Variants in PHF10 observed in about 807,000 individuals in gnomAD.
The protein encoded by PHF10 is BRG1-associated factor 45a.
A neutral mutation model predicts 68.5 loss-of-function variants in PHF10; 51 were observed. The observed-to-expected ratio is 0.74, with a 90% CI of 0.59 to 0.94. The LOEUF is 0.94. Among genes scored for constraint, PHF10 ranks in the 40% least tolerant of loss-of-function variants. The pLI is 0.00. For missense variants in PHF10, 460 were observed against 602.6 expected (o/e 0.76, Z 2.48); for synonymous variants, 204 against 203.5 (o/e 1.00, Z -0.02).
Position 169,710,253 on chromosome 6 carries a change from A to C in PHF10, c.1096T>G (p.Ser366Ala). 1 of 1,611,856 alleles carries C rather than the reference A, an allele frequency of 6.2e-7. No homozygotes were observed. Among genetic ancestry groups the C allele is most frequent in the Non-Finnish European group, 8.5e-7 (1 of 1,179,444 alleles). The change falls in exon 9 of 12, where the codon TCA becomes GCA. Residue 366 changes from serine (S) to alanine (A), a missense_variant. Around this residue, in one of 3 missense-constraint regions of PHF10, gnomAD observed 256 missense variants for 410.5 expected, o/e 0.62. Coordinates refer to ENST00000339209, the MANE Select transcript of PHF10 (RefSeq NM_018288.4). ...DGPKRSVLSK[S>A]VPGYKPKVIP... ...TCTTCTACCTTGTACCCAGGAACTG[A>C]CTTGGACAGTACAGAACGTTTGGGA...
intron 10 of PHF10, 44 bp downstream of exon 10, chr6:169,705,572 T>A (rs747289621): frequency 3.0e-5 from 31 of 1,028,990 alleles, no homozygotes; most frequent in Non-Finnish European, 4.0e-5. Flanking sequence ...TTTGAACCAA[T>A]AAATACGGTG....
chr6:169,704,170 A>C, intron 11 of PHF10, 82 bp from the exon 12 acceptor site: 1 of 966,270 alleles, frequency 1.0e-6, no homozygotes, highest in Non-Finnish European at 1.5e-6. Flanking sequence ...CTTCTGCCTT[A>C]GCTATCACTA....
Position 169,704,069 on chromosome 6 carries a change from A to G in PHF10, c.1431T>C (p.Cys477=), listed in dbSNP as rs2128328096. 6.3e-7 allele frequency: 1 copy of G among 1,583,008 alleles called. No homozygotes were observed. The highest frequency in any genetic ancestry group is 8.5e-7 in the Non-Finnish European group (1 of 1,171,872). The change falls in exon 12 of 12, where the codon TGT becomes TGC. Residue 477 remains cysteine (C), a synonymous_variant. Coordinates refer to ENST00000339209, the MANE Select transcript of PHF10 (RefSeq NM_018288.4). ...AIPSGRWICD[C]CQRAPPTPRK... is the part of the protein sequence containing the mutation. ...TGGGTGTTGGGGGGGCCCGCTGACA[A>G]CAGTCACAAATCCAGCGACCTAGGA...
At chr6:169,711,055 T>A (rs1788916843) in intron 8 of PHF10, among the ~76,000 whole-genome samples, 1 of 152,194 alleles carries the variant, frequency 6.6e-6, no homozygotes, top group African/African-American at 2.4e-5. Context: ...ATTAAAAAAT[T>A]AGGTTATCTA....
intron 2 of PHF10, among the ~76,000 whole-genome samples, chr6:169,719,643 A>T (rs1789131163): frequency 6.6e-6 from 1 of 152,198 alleles, no homozygotes; most frequent in South Asian, 2.1e-4. Context: ...ATCCACATGC[A>T]AAAGTATAAA....
Position 169,703,981 on chromosome 6 carries a change from A to T in PHF10, c.*22T>A, listed in dbSNP as rs760546613. The T allele has an allele frequency of 6.5e-7, 1 of 1,530,256 alleles. No individual in the cohort carries two copies. Among genetic ancestry groups the T allele is most frequent in the Non-Finnish European group, 8.9e-7 (1 of 1,127,876 alleles). The allele number at this position is 1,530,256 out of a possible 1,614,324, so 94.8% of individuals were successfully genotyped here. On this transcript the variant is annotated 3_prime_UTR_variant, in exon 12 of 12. Transcript: ENST00000339209. ...AAATATTCCACTTAAATGCATATACAGTATTAGAGTCAAAAACTATTTTAT... is the reference window on the plus strand; with the variant it reads ...AAATATTCCACTTAAATGCATATACTGTATTAGAGTCAAAAACTATTTTAT...
intron 10 of PHF10, 133 bp from the exon 11 acceptor site, chr6:169,705,454 C>T: frequency 1.4e-6 from 1 of 729,482 alleles, no homozygotes; most frequent in Non-Finnish European, 2.3e-6. Flanking sequence ...AATGAATATA[C>T]AATGTAGAGG....
chr6:169,710,580 C>T (rs1179367092), intron 8 of PHF10, among the ~76,000 whole-genome samples, 189 bp from the exon 9 acceptor site: 1 of 152,050 alleles, frequency 6.6e-6, no homozygotes, highest in African/African-American at 2.4e-5. Context: ...AAAATCATTC[C>T]TCCTTCTTCT....
chr6:169,724,397 CT>C lies in PHF10; in HGVS notation c.-467del, dbSNP rs1283764299. ...CCCCGCGGCCGCCTCAGCCCCGCCG[CT>C]CGCCTCAGCCCCGCCGCTCGCCTCA... On this transcript the variant is annotated 5_prime_UTR_variant, in exon 1 of 12. Transcript: ENST00000339209. 9.8e-4 allele frequency among the ~76,000 whole-genome samples: 89 copies of C among 90,524 alleles called. No homozygotes were observed. The East Asian group carries it at 0.012, about 12-fold the overall frequency. The allele number at this position is 90,524 out of a possible 152,430, so 59.4% of individuals were successfully genotyped here.
intron 7 of PHF10, among the ~76,000 whole-genome samples, chr6:169,713,516 C>T (rs562985671): frequency 6.6e-6 from 1 of 151,234 alleles, no homozygotes; most frequent in African/African-American, 2.4e-5. Context: ...AGGAGAATCA[C>T]TTGAACCAGG....
At chr6:169,717,189 CA>C (rs1252081007) in intron 4 of PHF10, among the ~76,000 whole-genome samples, 1 of 152,076 alleles carries the variant, frequency 6.6e-6, no homozygotes, top group Non-Finnish European at 1.5e-5. Flanking sequence ...ATGGAGGTTG[CA>C]GTGAGCTAAG....
chr6:169,712,455 G>A lies in PHF10; in HGVS notation c.888C>T (p.Asp296=), dbSNP rs201451528. ...CGCCATCATCTGAATCACCATCACTGTCTAGAGCAGGGAGCTCAGGATCCA... is the reference window on the plus strand; with the variant it reads ...CGCCATCATCTGAATCACCATCACTATCTAGAGCAGGGAGCTCAGGATCCA... The part of the protein sequence containing the change: ...PPLDPELPAL[D]SDGDSDDGED... Residue 296 remains aspartate (D), a synonymous_variant, in exon 8 of 12, where the codon GAC becomes GAT. Coordinates refer to ENST00000339209, the MANE Select transcript of PHF10 (RefSeq NM_018288.4). 255 of 1,613,754 alleles carry A rather than the reference G, an allele frequency of 1.6e-4. No individual in the cohort carries two copies. The highest frequency in any genetic ancestry group is 2.0e-4 in the Non-Finnish European group (238 of 1,179,778).
rs748210245 is a variant in PHF10 at position 169,705,145 on chromosome 6, C to T, written c.1399G>A (p.Ala467Thr). The T allele has an allele frequency of 5.0e-6, 8 of 1,606,838 alleles. No individual in the cohort carries two copies. The highest frequency in any genetic ancestry group is 6.8e-6 in the Non-Finnish European group (8 of 1,176,404). ...TTTTAATCTTTACCTGATGGAATAG[C>T]ACCAAGGCCCACACAAAAAGTATGA... is the stretch of plus-strand genomic sequence containing the variant. ...GYHTFCVGLGAIPSGRWICDC... is the reference protein window; with the variant it reads ...GYHTFCVGLGTIPSGRWICDC... The change falls in exon 11 of 12, where the codon GCT becomes ACT. Residue 467 changes from alanine (A) to threonine (T), a missense_variant. Physicochemically the swap from Ala to Thr is moderately conservative, Grantham distance 58. Coordinates refer to ENST00000339209, the MANE Select transcript of PHF10 (RefSeq NM_018288.4).
rs760997521 is a variant in PHF10 at position 169,718,848 on chromosome 6, T to C, written c.265A>G (p.Met89Val). ...WPPDETGEYY[M>V]LQEQVSEYLG... ...TATTCACTGACTTGTTCTTGAAGCATATAGTATTCTCCTGTTTCATCAGGT... is the reference window on the plus strand; with the variant it reads ...TATTCACTGACTTGTTCTTGAAGCACATAGTATTCTCCTGTTTCATCAGGT... The change falls in exon 3 of 12, where the codon ATG (methionine) becomes GTG (valine). Residue 89 changes from methionine to valine, a missense_variant. Transcript: ENST00000339209. The C allele has an allele frequency of 6.3e-7, 1 of 1,598,102 alleles. No individual in the cohort carries two copies. Among genetic ancestry groups the C allele is most frequent in the Non-Finnish European group, 8.6e-7 (1 of 1,166,970 alleles).
At chr6:169,710,957 A>C (rs932423533) in intron 8 of PHF10, among the ~76,000 whole-genome samples, 4 of 152,166 alleles carry the variant, frequency 2.6e-5, no homozygotes, top group Non-Finnish European at 4.4e-5. Flanking sequence ...TTCAAGGTTT[A>C]AGACCTCAGT....
chr6:169,705,194 G>A lies in PHF10; in HGVS notation c.1350C>T (p.Phe450=). The change falls in exon 11 of 12, where the codon TTC becomes TTT. Residue 450 remains phenylalanine, a synonymous_variant. Coordinates refer to ENST00000339209, the MANE Select transcript of PHF10 (RefSeq NM_018288.4). ...GQPHHEEEMM[F]CDMCDRGYHT... is the part of the protein sequence containing the mutation. The stretch of plus-strand genomic sequence containing the variant: ...GATAACCTCTGTCACACATATCACA[G>A]AACATCATTTCTTCTTCATGGTGGG... 4 of 1,613,744 alleles carry A rather than the reference G, an allele frequency of 2.5e-6. No homozygotes were observed. The highest frequency in any genetic ancestry group is 3.4e-6 in the Non-Finnish European group (4 of 1,179,790).
At chr6:169,708,227 C>T (rs559188005) in intron 9 of PHF10, 24 of 152,272 alleles carry the variant, frequency 1.6e-4, no homozygotes, top group African/African-American at 5.8e-4. Flanking sequence ...AAAGATAAGA[C>T]TTTCATGGTA....
chr6:169,718,014 T>G, intron 3 of PHF10, 108 bp from the exon 4 acceptor site: 1 of 506,234 alleles, frequency 2.0e-6, no homozygotes, highest in East Asian at 3.2e-5. Context: ...ATATTACATA[T>G]TCCAAATATT....
At chr6:169,720,885 G>A (rs1789160181) in intron 2 of PHF10, 120 bp downstream of exon 2, 1 of 603,758 alleles carries the variant, frequency 1.7e-6, no homozygotes, top group Admixed American at 2.9e-5. Flanking sequence ...TATAGAACAG[G>A]AAGAAAATAT....
Sources: gnomAD v4.1 joint callset for allele counts (sites outside exome capture counted in the v4.1 genomes callset) on GRCh38, gnomAD v4.1.1 for gene constraint, gnomAD v4.1.1 regional missense constraint, MANE v1.5 for transcripts, NCBI Gene and HGNC (gene_info 2026-07-23, HGNC 2026-07-21) for gene names.